Variants in MND1 observed in about 807,000 individuals in gnomAD.
MND1 encodes meiotic nuclear divisions 1.
Under a neutral mutation model 35.1 loss-of-function variants are expected in MND1, and 28 were observed. That is an observed-to-expected ratio of 0.80 (90% CI 0.59 to 1.09). The LOEUF is 1.09. Among genes scored for constraint, MND1 ranks in the 50% least tolerant of loss-of-function variants. MND1 has a pLI of 0.00. For synonymous variants in MND1, 69 were observed against 70.5 expected (o/e 0.98, Z 0.11); for missense variants, 213 against 239.6 (o/e 0.89, Z 0.73).
At chr4:153,393,375 T>C (rs1350299459) in intron 4 of MND1, among the ~76,000 whole-genome samples, 9 of 149,106 alleles carry the variant, frequency 6.0e-5, no homozygotes, top group African/African-American at 7.4e-5. Flanking sequence ...TTTCTTTTTT[T>C]TTTTTTTTTT....
At chr4:153,412,085 T>C (rs1358367055) in intron 7 of MND1, among the ~76,000 whole-genome samples, 4 of 152,350 alleles carry the variant, frequency 2.6e-5, no homozygotes, top group Middle Eastern at 3.4e-3. Context: ...AAAGATTCAT[T>C]TTAGATTGTT....
chr4:153,361,690 T>C, intron 4 of MND1: 2 of 369,598 alleles, frequency 5.4e-6, no homozygotes, highest in South Asian at 4.1e-5. Flanking sequence ...ACAAAAAAAA[T>C]AGCCGGGCGT....
chr4:153,378,588 C>CT (rs745739730), intron 4 of MND1, among the ~76,000 whole-genome samples: 16 of 152,332 alleles, frequency 1.1e-4, no homozygotes, highest in Middle Eastern at 3.4e-3. Flanking sequence ...ATGGAATACA[C>CT]TTTGGAGAAA....
intron 4 of MND1, among the ~76,000 whole-genome samples, chr4:153,359,301 G>C (rs192163809): frequency 5.4e-4 from 82 of 152,288 alleles, no homozygotes; most frequent in African/African-American, 1.8e-3. Flanking sequence ...AACCTTTTCA[G>C]ATTGGCTTCC....
intron 6 of MND1, among the ~76,000 whole-genome samples, chr4:153,405,473 TTG>T (rs1442350382): frequency 6.6e-6 from 1 of 151,560 alleles, no homozygotes; most frequent in African/African-American, 2.4e-5. Flanking sequence ...GAGGCGGAGC[TTG>T]CAGTGAGCCG....
intron 2 of MND1, among the ~76,000 whole-genome samples, chr4:153,354,765 G>T (rs1773299576): frequency 6.6e-6 from 1 of 152,122 alleles, no homozygotes; most frequent in Non-Finnish European, 1.5e-5. Flanking sequence ...CTCCCAAAGT[G>T]GTGGGATTAT....
At chr4:153,363,716 T>C (rs1773555590) in intron 4 of MND1, among the ~76,000 whole-genome samples, 1 of 152,086 alleles carries the variant, frequency 6.6e-6, no homozygotes, top group Non-Finnish European at 1.5e-5. Flanking sequence ...TGTGGCATGA[T>C]CAGGAGTTCG....
At chr4:153,379,286 T>C (rs1728598727) in intron 4 of MND1, among the ~76,000 whole-genome samples, 2 of 103,520 alleles carry the variant, frequency 1.9e-5, no homozygotes, top group South Asian at 6.2e-4. Context: ...CGAGACTCTG[T>C]CTCAAAAAAA....
Position 153,414,839 on chromosome 4 carries a change from C to T in MND1, c.600C>T (p.Asp200=), listed in dbSNP as rs1237266185. 1.3e-6 allele frequency: 2 copies of T among 1,504,662 alleles called. No individual in the cohort carries two copies. The highest frequency in any genetic ancestry group is 1.8e-6 in the Non-Finnish European group (2 of 1,102,984). 93.2% of individuals were successfully genotyped at this position (1,504,662 alleles called of 1,614,324 possible). A position where few individuals can be genotyped will look rare whatever the true frequency, so the allele number is the denominator to read the frequency against. Residue 200 remains aspartate (D), a synonymous_variant, in exon 8 of 8, where the codon GAC becomes GAT. Coordinates refer to ENST00000240488, the MANE Select transcript of MND1 (RefSeq NM_032117.4). ...ATAGAACTTTTGGAATTCCAGAAGA[C>T]TTTGACTACATAGACTAAAATATTC... The part of the protein sequence containing the change: ...KIDRTFGIPE[D]FDYID
At chr4:153,403,468 T>C (rs925424247) in intron 6 of MND1, among the ~76,000 whole-genome samples, 42 of 152,350 alleles carry the variant, frequency 2.8e-4, no homozygotes, top group African/African-American at 1.0e-3. Context: ...GCTTGACCAC[T>C]AAGCTAACCA....
intron 4 of MND1, among the ~76,000 whole-genome samples, chr4:153,380,332 T>G (rs1337538292): frequency 6.6e-6 from 1 of 152,192 alleles, no homozygotes; most frequent in Non-Finnish European, 1.5e-5. Context: ...GGATTTTCCT[T>G]TTTACATGCA....
At chr4:153,351,540 T>A (rs1225208463) in intron 2 of MND1, among the ~76,000 whole-genome samples, 1 of 152,234 alleles carries the variant, frequency 6.6e-6, no homozygotes, top group Non-Finnish European at 1.5e-5. Flanking sequence ...CTTTCATGAA[T>A]GGAATATGGT....
At chr4:153,414,677 C>A in intron 7 of MND1, 74 bp from the exon 8 acceptor site, 1 of 604,420 alleles carries the variant, frequency 1.7e-6, no homozygotes, top group Non-Finnish European at 2.8e-6. Flanking sequence ...AGTAAAAGAA[C>A]AATGAAGATA....
intron 4 of MND1, chr4:153,361,440 A>C: frequency 2.2e-6 from 1 of 455,834 alleles, no homozygotes; most frequent in East Asian, 7.0e-5. Flanking sequence ...TCAGTCTTTG[A>C]TGTTATGTTT....
rs909868088 is a variant in MND1, at chr4:153,358,527, G to A, written c.181G>A (p.Asp61Asn). The change falls in exon 4 of 8, where the codon GAC becomes AAC. Residue 61 changes from aspartate (D) to asparagine (N), a missense_variant. Asp to Asn is a conservative substitution (Grantham distance 23). Coordinates refer to ENST00000240488, the MANE Select transcript of MND1 (RefSeq NM_032117.4). ...AAGCTTAGTTGATGATGGTATGGTT[G>A]ACTGTGAGAGGATCGGAACTTCTAA... ...LQSLVDDGMV[D>N]CERIGTSNYY... is the part of the protein sequence containing the mutation. 6.2e-7 allele frequency: 1 copy of A among 1,613,328 alleles called. No homozygotes were observed.
chr4:153,363,960 G>A (rs915635249), intron 4 of MND1, among the ~76,000 whole-genome samples: 14 of 152,330 alleles, frequency 9.2e-5, no homozygotes, highest in South Asian at 8.3e-4. Flanking sequence ...AAGGCCAGGT[G>A]TGGTGGCTTA....
chr4:153,384,443 ATTTTTTTTTTTTTTTT>A lies in MND1; in HGVS notation c.277-9805_277-9790del, dbSNP rs561004288. ...TGCCACCATGCCCAGCTAATGTTTA[ATTTTTTTTTTTTTTTT>A]TTTTTTTTTTTTTGTCAGAGATAGG... On this transcript the variant is annotated intron_variant, in intron 4 of 7. Coordinates refer to ENST00000240488, the MANE Select transcript of MND1 (RefSeq NM_032117.4). Among the ~76,000 whole-genome samples, 9 of 63,190 alleles carry A rather than the reference ATTTTTTTTTTTTTTTT, an allele frequency of 1.4e-4. 1 individual carries two copies. The highest frequency in any genetic ancestry group is 0.012 in the Middle Eastern group (1 of 86). 41.5% of individuals were successfully genotyped at this position (63,190 alleles called of 152,430 possible).
chr4:153,406,727 C>T (rs1294458156), intron 6 of MND1, among the ~76,000 whole-genome samples: 1 of 152,108 alleles, frequency 6.6e-6, no homozygotes, highest in Non-Finnish European at 1.5e-5. Flanking sequence ...TGAAAAGATG[C>T]ACAAAATCAT....
At chr4:153,370,269 C>T (rs536022801) in intron 4 of MND1, among the ~76,000 whole-genome samples, 7 of 151,912 alleles carry the variant, frequency 4.6e-5, no homozygotes, top group Admixed American at 6.6e-5. Context: ...GTAACACAGC[C>T]GGACTCCATC....
Sources: allele counts gnomAD v4.1 joint callset (sites outside exome capture counted in the v4.1 genomes callset), GRCh38; gene constraint gnomAD v4.1.1; transcripts MANE v1.5; gene names NCBI Gene and HGNC (gene_info 2026-07-23, HGNC 2026-07-21).